The following OXR1 variants were observed in gnomAD, a reference collection of about 807,000 sequenced individuals.
OXR1 encodes the protein oxidation resistance protein 1.
Under a neutral mutation model 104.6 loss-of-function variants are expected in OXR1, and 41 were observed. The observed-to-expected ratio is 0.39, with a 90% CI of 0.31 to 0.51. The LOEUF is 0.51. OXR1 is among the 20% of genes least tolerant of loss of function. OXR1 has a pLI of 0.77. For synonymous variants in OXR1, 348 were observed against 348.4 expected (o/e 1.00, Z 0.01); for missense variants, 955 against 1,031.9 (o/e 0.93, Z 1.02).
chr8:106,702,927 C>G lies in OXR1; in HGVS notation c.697C>G (p.Leu233Val). Reference sequence around the variant, plus strand: ...TTAGGGCACAGTCAGTGGTGTGCTGCTAGTTACACCAAATAATATAATGTT... The same window carrying G: ...TTAGGGCACAGTCAGTGGTGTGCTGGTAGTTACACCAAATAATATAATGTT... ...SGKGTVSGVL[L>V]VTPNNIMFDP... is the part of the protein sequence containing the mutation. Residue 233 changes from leucine (L) to valine (V), a missense_variant, in exon 8 of 17, where the codon CTA (leucine) becomes GTA (valine). Leu to Val is a conservative substitution (Grantham distance 32). Transcript: ENST00000517566. 1 of 1,613,042 alleles carries G rather than the reference C, an allele frequency of 6.2e-7. No homozygotes were observed. Among genetic ancestry groups the G allele is most frequent in the Non-Finnish European group, 8.5e-7 (1 of 1,179,238 alleles).
intron 3 of OXR1, among the ~76,000 whole-genome samples, chr8:106,641,129 C>G (rs1391981918): frequency 6.6e-6 from 1 of 152,176 alleles, no homozygotes; most frequent in Non-Finnish European, 1.5e-5. Context: ...TTCTGTTAGC[C>G]ATAAACTTTT....
chr8:106,446,625 A>T (rs1012548631), intron 2 of OXR1, among the ~76,000 whole-genome samples: 2 of 151,996 alleles, frequency 1.3e-5, no homozygotes, highest in Non-Finnish European at 2.9e-5. Flanking sequence ...CTCAAAAAAA[A>T]AAAAACTAAA....
chr8:106,573,662 G>A (rs930414527), intron 3 of OXR1, among the ~76,000 whole-genome samples: 2 of 152,190 alleles, frequency 1.3e-5, no homozygotes, highest in Non-Finnish European at 2.9e-5. Flanking sequence ...TCATGTTTAA[G>A]TTCTCTAAGA....
chr8:106,467,903 T>C lies in OXR1; in HGVS notation c.24-51040T>C, dbSNP rs115485453. ...GAAGATAGTAACGTTTTGCTAATTA[T>C]TTCTTTGTGTTTAGATATTAATCCC... On this transcript the variant is annotated intron_variant, in intron 2 of 16. Transcript: ENST00000517566. Among the ~76,000 whole-genome samples the C allele has an allele frequency of 6.8e-3, 1,040 of 152,014 alleles. 11 individuals carry two copies. The highest frequency in any genetic ancestry group is 0.024 in the African/African-American group (1,001 of 41,516).
At chr8:106,707,531 T>C in intron 9 of OXR1, 1 of 338,332 alleles carries the variant, frequency 3.0e-6, no homozygotes, top group East Asian at 5.4e-5. Flanking sequence ...AACATTTTAA[T>C]TGCCAAAGTT....
At chr8:106,340,598 C>T (rs1815202571) in intron 1 of OXR1, among the ~76,000 whole-genome samples, 1 of 152,044 alleles carries the variant, frequency 6.6e-6, no homozygotes, top group South Asian at 2.1e-4. Flanking sequence ...TTATATATCC[C>T]TGTTATTTAG....
intron 3 of OXR1, among the ~76,000 whole-genome samples, chr8:106,582,108 T>C (rs1287454779): frequency 6.9e-6 from 1 of 145,786 alleles, no homozygotes; most frequent in Non-Finnish European, 1.5e-5. Flanking sequence ...GTAAATTTTC[T>C]AAACCTATCA....
At chr8:106,535,969 C>T (rs1814484756) in intron 3 of OXR1, among the ~76,000 whole-genome samples, 1 of 151,996 alleles carries the variant, frequency 6.6e-6, no homozygotes, top group African/African-American at 2.4e-5. Flanking sequence ...GCCTGTAATC[C>T]CAACACTTTG....
chr8:106,291,316 A>T (rs535000034), intron 1 of OXR1, among the ~76,000 whole-genome samples: 1 of 152,278 alleles, frequency 6.6e-6, no homozygotes, highest in African/African-American at 2.4e-5. Context: ...ATGTGACTCA[A>T]AAAACTACCT....
intron 2 of OXR1, among the ~76,000 whole-genome samples, chr8:106,512,202 C>T (rs775597871): frequency 6.6e-6 from 1 of 152,172 alleles, no homozygotes; most frequent in African/African-American, 2.4e-5. Flanking sequence ...CCCAAGGTCA[C>T]ACAGCTGGTA....
At chr8:106,393,393 A>G (rs72678548) in intron 2 of OXR1, among the ~76,000 whole-genome samples, 74 of 152,302 alleles carry the variant, frequency 4.9e-4, no homozygotes, top group Non-Finnish European at 9.7e-4. Context: ...TCTAGCCACC[A>G]ATTTATATCA....
chr8:106,487,244 G>A (rs201089446), intron 2 of OXR1, among the ~76,000 whole-genome samples: 1 of 150,908 alleles, frequency 6.6e-6, no homozygotes, highest in African/African-American at 2.4e-5. Context: ...GGCTAGTCTC[G>A]AACTCCTGAC....
chr8:106,465,214 A>G (rs910527510), intron 2 of OXR1, among the ~76,000 whole-genome samples: 18 of 151,944 alleles, frequency 1.2e-4, no homozygotes, highest in African/African-American at 4.3e-4. Context: ...TGTCTGCGAG[A>G]TGAGCATTCC....
chr8:106,494,269 T>A (rs1811281889), intron 2 of OXR1, among the ~76,000 whole-genome samples: 1 of 152,122 alleles, frequency 6.6e-6, no homozygotes, highest in Admixed American at 6.6e-5. Context: ...AGCATCAAGT[T>A]TTTGCAGTAT....
At chr8:106,510,979 G>A (rs1274903909) in intron 2 of OXR1, among the ~76,000 whole-genome samples, 3 of 152,152 alleles carry the variant, frequency 2.0e-5, no homozygotes, top group Admixed American at 6.5e-5. Context: ...CCGATTCCAC[G>A]TTAATGAGAC....
At chr8:106,695,704 T>C (rs1829952626) in intron 7 of OXR1, among the ~76,000 whole-genome samples, 1 of 152,138 alleles carries the variant, frequency 6.6e-6, no homozygotes, top group African/African-American at 2.4e-5. Context: ...AGGCGTGAGC[T>C]ACCGCACCCG....
intron 2 of OXR1, among the ~76,000 whole-genome samples, chr8:106,473,186 GT>G (rs930522527): frequency 3.3e-5 from 5 of 151,772 alleles, no homozygotes; most frequent in Admixed American, 1.3e-4. Context: ...CCACTCAAGT[GT>G]TTTTTTCAGC....
intron 1 of OXR1, among the ~76,000 whole-genome samples, chr8:106,331,386 T>C (rs189519383): frequency 2.8e-4 from 42 of 152,328 alleles, no homozygotes; most frequent in African/African-American, 9.1e-4. Flanking sequence ...TTGCCATAGA[T>C]TAATTTGTCA....
rs1453316113 is a variant in OXR1 at position 106,716,691 on chromosome 8, G to A, written c.1956+2706G>A. On this transcript the variant is annotated intron_variant, in intron 11 of 16. Coordinates refer to ENST00000517566, the MANE Select transcript of OXR1 (RefSeq NM_001198533.2). ...CACTGGATTTTAATGACTTAGAATGGAAAGAAAAAAGAATGTAAACATCTT... is the reference window on the plus strand; with the variant it reads ...CACTGGATTTTAATGACTTAGAATGAAAAGAAAAAAGAATGTAAACATCTT... Among the ~76,000 whole-genome samples the A allele has an allele frequency of 2.0e-5, 3 of 147,316 alleles. No individual in the cohort carries two copies. The East Asian group carries it at 6.0e-4, about 29-fold the overall frequency.
Sources: gnomAD v4.1 joint callset for allele counts (sites outside exome capture counted in the v4.1 genomes callset) on GRCh38, gnomAD v4.1.1 for gene constraint, MANE v1.5 for transcripts, NCBI Gene and HGNC (gene_info 2026-07-23, HGNC 2026-07-21) for gene names.